The following SYNDIG1L variants were observed in gnomAD, a reference collection of about 807,000 sequenced individuals.
SYNDIG1L encodes synapse differentiation-inducing gene protein 1-like.
A neutral mutation model predicts 20.1 loss-of-function variants in SYNDIG1L; 13 were observed. The observed-to-expected ratio is 0.65, with a 90% CI of 0.42 to 1.03. The LOEUF is 1.03. Ranked by LOEUF, SYNDIG1L falls within the 50% of genes least tolerant of loss-of-function variation. The probability of loss-of-function intolerance (pLI) is 0.00; values close to 1 mark genes in which losing one functional copy is unlikely to be tolerated. For missense variants in SYNDIG1L, 294 were observed against 305.1 expected, an observed-to-expected ratio of 0.96 and a Z score of 0.27; for synonymous variants, 128 against 129.3, an observed-to-expected ratio of 0.99 and a Z score of 0.07.
At chr14:74,432,180 T>TGTGTGTGTGAGA in the SYNDIG1L span, among the ~76,000 whole-genome samples, 880 of 124,092 alleles carry the variant, frequency 7.1e-3, 7 homozygotes, top group Non-Finnish European at 0.01. Flanking sequence ...TGTGTGTGTG[T>TGTGTGTGTGAGA]GAGAGAGAGA....
In SYNDIG1L at chr14:74,407,210, T is replaced by C. The variant is rs551757972; in HGVS notation, c.*325A>G. ...GGCAGGGTAGGTGGTGGGCTGGCTG[T>C]AGGGCAGGAGATCCTCTAGGGAATG... On this transcript the variant is annotated 3_prime_UTR_variant, in exon 4 of 4. Coordinates refer to ENST00000331628, the MANE Select transcript of SYNDIG1L (RefSeq NM_001105579.2). 5.4e-6 allele frequency: 2 copies of C among 369,732 alleles called. No individual in the cohort carries two copies. Among genetic ancestry groups the C allele is most frequent in the African/African-American group, 4.3e-5 (2 of 46,598 alleles). 22.9% of individuals were successfully genotyped at this position (369,732 alleles called of 1,614,324 possible).
At chr14:74,422,549 T>C (rs2086230682) in intron 1 of SYNDIG1L, among the ~76,000 whole-genome samples, 1 of 151,828 alleles carries the variant, frequency 6.6e-6, no homozygotes, top group African/African-American at 2.4e-5. Flanking sequence ...AGGTAACCAG[T>C]GATGTGCAGA....
chr14:74,474,125 A>C, the SYNDIG1L span: 10 of 152,210 alleles, frequency 6.6e-5, no homozygotes. Context: ...TTGTATTTCC[A>C]AGCTACACAT....
the SYNDIG1L span, among the ~76,000 whole-genome samples, chr14:74,467,911 G>T: frequency 6.6e-6 from 1 of 151,944 alleles, no homozygotes; most frequent in Non-Finnish European, 1.5e-5. Context: ...AAGGTGGCAG[G>T]ACCCCATGGC....
At chr14:74,475,436 C>T in the SYNDIG1L span, among the ~76,000 whole-genome samples, 10 of 151,536 alleles carry the variant, frequency 6.6e-5, 1 homozygote, top group Admixed American at 4.0e-4. Context: ...GATATAAACC[C>T]AGCTTGTATT....
chr14:74,452,667 A>G, the SYNDIG1L span, among the ~76,000 whole-genome samples: 1 of 152,232 alleles, frequency 6.6e-6, no homozygotes, highest in Admixed American at 6.5e-5. Flanking sequence ...CACTTTAGAA[A>G]ACAGTTTGTC....
At chr14:74,464,299 T>C in the SYNDIG1L span, among the ~76,000 whole-genome samples, 5 of 152,162 alleles carry the variant, frequency 3.3e-5, no homozygotes, top group African/African-American at 1.2e-4. Flanking sequence ...CCATGCTGGC[T>C]TAGGGCTCCT....
At chr14:74,468,029 C>T in the SYNDIG1L span, among the ~76,000 whole-genome samples, 8 of 152,116 alleles carry the variant, frequency 5.3e-5, no homozygotes, top group East Asian at 1.9e-4. Context: ...CAGGGAAAGA[C>T]GCCATTGGCA....
the SYNDIG1L span, among the ~76,000 whole-genome samples, chr14:74,454,832 A>G: frequency 2.0e-5 from 3 of 152,228 alleles, no homozygotes; most frequent in African/African-American, 7.2e-5. Flanking sequence ...TCCCCCACAG[A>G]AAACAAATTC....
chr14:74,426,441 T>C (rs1385036669), upstream of SYNDIG1L, among the ~76,000 whole-genome samples: 1 of 151,996 alleles, frequency 6.6e-6, no homozygotes, highest in Admixed American at 6.6e-5. Context: ...GAGCCCTCTT[T>C]CCCAGCCCTT....
the SYNDIG1L span, among the ~76,000 whole-genome samples, chr14:74,439,804 A>C: frequency 3.4e-3 from 516 of 150,550 alleles, 5 homozygotes; most frequent in African/African-American, 0.012. Context: ...GCTTGAACCC[A>C]GGAGGCAGAG....
the SYNDIG1L span, among the ~76,000 whole-genome samples, chr14:74,435,248 T>A: frequency 6.6e-6 from 1 of 152,196 alleles, no homozygotes; most frequent in East Asian, 1.9e-4. Context: ...ACCAGGCCTA[T>A]CCCTGCTTCA....
the SYNDIG1L span, among the ~76,000 whole-genome samples, chr14:74,448,775 C>T: frequency 6.6e-6 from 1 of 152,050 alleles, no homozygotes; most frequent in African/African-American, 2.4e-5. Flanking sequence ...AAAAACTAAA[C>T]AATACACTTC....
the SYNDIG1L span, among the ~76,000 whole-genome samples, chr14:74,437,826 T>C: frequency 6.6e-6 from 1 of 152,162 alleles, no homozygotes; most frequent in Admixed American, 6.6e-5. Context: ...CAAATTTGTT[T>C]GGCAGCCGCT....
At chr14:74,431,898 T>C in the SYNDIG1L span, among the ~76,000 whole-genome samples, 1 of 152,186 alleles carries the variant, frequency 6.6e-6, no homozygotes, top group Non-Finnish European at 1.5e-5. Flanking sequence ...TTTTGTTTTA[T>C]CTTAATTTTT....
chr14:74,431,190 C>G (rs1248406168), upstream of SYNDIG1L, among the ~76,000 whole-genome samples: 6 of 152,054 alleles, frequency 3.9e-5, no homozygotes. Flanking sequence ...AAGACCAGGA[C>G]CCAGGACTGC....
Position 74,416,657 on chromosome 14 carries a change from A to C in SYNDIG1L, c.-57-6856T>G, listed in dbSNP as rs145688893. 2.0e-3 allele frequency among the ~76,000 whole-genome samples: 307 copies of C among 152,070 alleles called. 2 individuals are homozygous for C. Among genetic ancestry groups the C allele is most frequent in the African/African-American group, 6.8e-3 (280 of 41,428 alleles). On this transcript the variant is annotated intron_variant, in intron 1 of 3. Coordinates refer to ENST00000331628, the MANE Select transcript of SYNDIG1L (RefSeq NM_001105579.2). ...TCAAAAACAAAAACAAACCAAACAAACAAACAAACAAACAAAAAAGATAGA... is the reference window on the plus strand; with the variant it reads ...TCAAAAACAAAAACAAACCAAACAACCAAACAAACAAACAAAAAAGATAGA...
chr14:74,440,451 C>T, the SYNDIG1L span, among the ~76,000 whole-genome samples: 1 of 147,488 alleles, frequency 6.8e-6, no homozygotes, highest in Non-Finnish European at 1.5e-5. Context: ...GGAGGTGGAG[C>T]TTGCAGTGAG....
chr14:74,459,350 C>T, the SYNDIG1L span, among the ~76,000 whole-genome samples: 1 of 152,094 alleles, frequency 6.6e-6, no homozygotes. Flanking sequence ...ATAAAAAATA[C>T]AAGATTAGCT....
Sources: gnomAD v4.1 joint callset for allele counts (sites outside exome capture counted in the v4.1 genomes callset) on GRCh38, gnomAD v4.1.1 for gene constraint, MANE v1.5 for transcripts, NCBI Gene and HGNC (gene_info 2026-07-23, HGNC 2026-07-21) for gene names.